Variants in PCM1 observed in about 807,000 individuals in gnomAD.
PCM1 encodes the protein pericentriolar material 1 protein.
In PCM1, 157 loss-of-function variants were observed where a neutral mutation model predicts 241.9. That is an observed-to-expected ratio of 0.65 (90% CI 0.57 to 0.74). The LOEUF is 0.74. PCM1 is among the 30% of genes least tolerant of loss of function. The pLI, the probability that PCM1 is intolerant of heterozygous loss-of-function variation, is 0.00. For missense variants in PCM1, 3,478 were observed against 2,360.1 expected (o/e 1.47, Z -9.81); for synonymous variants, 1,085 against 784.9 (o/e 1.38, Z -6.39).
intron 1 of PCM1, among the ~76,000 whole-genome samples, chr8:17,923,524 G>A (rs1276264794): frequency 5.3e-5 from 8 of 152,216 alleles, no homozygotes; most frequent in Non-Finnish European, 8.8e-5. Context: ...GCGGGCGGAG[G>A]AAGCGGAGCG....
At chr8:17,993,830 CAT>C (rs1208665572) in intron 29 of PCM1, among the ~76,000 whole-genome samples, 2 of 152,102 alleles carry the variant, frequency 1.3e-5, no homozygotes, top group African/African-American at 4.8e-5. Context: ...TTTACTATAT[CAT>C]AAACTTCTTT....
chr8:17,946,694 A>C (rs979333417), intron 6 of PCM1, among the ~76,000 whole-genome samples: 5 of 152,094 alleles, frequency 3.3e-5, no homozygotes, highest in Non-Finnish European at 1.5e-5. Context: ...ATGGGGTTTC[A>C]TATGTTGGTC....
intron 29 of PCM1, among the ~76,000 whole-genome samples, chr8:18,000,071 C>G (rs1429395379): frequency 1.3e-5 from 2 of 152,060 alleles, no homozygotes; most frequent in African/African-American, 4.8e-5. Flanking sequence ...ATGATGGTGT[C>G]TGTTTTATAT....
intron 12 of PCM1, 42 bp downstream of exon 12, chr8:17,957,463 C>T: frequency 6.2e-7 from 1 of 1,607,722 alleles, no homozygotes; most frequent in East Asian, 2.2e-5. Context: ...CTGTGTTATT[C>T]TTACAAAGTG....
At chr8:18,021,470 G>A (rs748745548) in intron 36 of PCM1, among the ~76,000 whole-genome samples, 1 of 152,160 alleles carries the variant, frequency 6.6e-6, no homozygotes, top group Non-Finnish European at 1.5e-5. Context: ...GTACCTGTTT[G>A]CAAGATAGAT....
intron 29 of PCM1, among the ~76,000 whole-genome samples, chr8:17,997,806 C>G (rs2087465465): frequency 6.6e-6 from 1 of 151,148 alleles, no homozygotes; most frequent in African/African-American, 2.4e-5. Flanking sequence ...CGGGTGATCA[C>G]TTGAGGTCAG....
chr8:17,939,741 C>T lies in PCM1; in HGVS notation c.663C>T (p.Ser221=). 6.4e-7 allele frequency: 1 copy of T among 1,559,722 alleles called. No individual in the cohort carries two copies. The highest frequency in any genetic ancestry group is 8.7e-7 in the Non-Finnish European group (1 of 1,148,932). The part of the protein sequence containing the change: ...QIRDYITKAS[S]MREDLVEKNE... ...GCGATTATATTACTAAAGCTAGTTC[C>T]ATGCGGGAAGATCTTGTAGAGAAAA... Residue 221 remains serine, a synonymous_variant, in exon 6 of 39, where the codon TCC becomes TCT. Transcript: ENST00000325083.
At chr8:17,973,877 C>T (rs2077722801) in intron 23 of PCM1, among the ~76,000 whole-genome samples, 3 of 152,118 alleles carry the variant, frequency 2.0e-5, no homozygotes, top group Admixed American at 2.0e-4. Flanking sequence ...AGAAAATACA[C>T]TTGTAAACTT....
Position 17,951,933 on chromosome 8 carries a change from T to TA in PCM1, c.1072-1030dup, listed in dbSNP as rs199528947. On this transcript the variant is annotated intron_variant, in intron 8 of 38. Coordinates refer to ENST00000325083, the MANE Select transcript of PCM1 (RefSeq NM_006197.4). The stretch of plus-strand genomic sequence containing the variant: ...CAAAGTTTCATAATTAAAAAAAATT[T>TA]AAAAAAAGGCCAGGTGCGGTGGCTT... Among the ~76,000 whole-genome samples, 814 of 151,924 alleles carry TA rather than the reference T, an allele frequency of 5.4e-3. 8 individuals carry two copies. The highest frequency in any genetic ancestry group is 0.018 in the African/African-American group (759 of 41,442).
Position 17,937,300 on chromosome 8 carries a change from A to C in PCM1, c.263A>C (p.Tyr88Ser). The change falls in exon 4 of 39, where the codon TAC becomes TCC. Residue 88 changes from tyrosine to serine, a missense_variant. Coordinates refer to ENST00000325083, the MANE Select transcript of PCM1 (RefSeq NM_006197.4). The part of the protein sequence containing the change: ...KTPHTFPHSR[Y>S]MSQMSVPEQA... ...CCACATACGTTCCCACACAGTAGAT[A>C]CATGAGTCAGATGTCTGTCCCAGAG... 1 of 1,609,768 alleles carries C rather than the reference A, an allele frequency of 6.2e-7. No individual in the cohort carries two copies. Among genetic ancestry groups the C allele is most frequent in the Non-Finnish European group, 8.5e-7 (1 of 1,177,000 alleles).
intron 28 of PCM1, among the ~76,000 whole-genome samples, chr8:17,991,924 G>A (rs535230042): frequency 6.6e-6 from 1 of 152,198 alleles, no homozygotes; most frequent in South Asian, 2.1e-4. Flanking sequence ...TCATAGCTTA[G>A]CTACCACTTA....
rs2076198749 is a variant in PCM1 at position 17,969,663 on chromosome 8, G to C, written c.3499G>C (p.Ala1167Pro). 6.2e-7 allele frequency: 1 copy of C among 1,612,734 alleles called. No homozygotes were observed. Among genetic ancestry groups the C allele is most frequent in the Non-Finnish European group, 8.5e-7 (1 of 1,179,012 alleles). The change falls in exon 22 of 39, where the codon GCC (alanine) becomes CCC (proline). Residue 1167 changes from alanine (A) to proline (P), a missense_variant. Coordinates refer to ENST00000325083, the MANE Select transcript of PCM1 (RefSeq NM_006197.4). ...STPSEQQQPL[A>P]QNSSGKTEYM... ...ACCCAGTGAACAGCAGCAACCCTTA[G>C]CCCAGAATTCTTCAGGAAAAACAGA...
rs1042531050 is a variant in PCM1 at position 18,027,859 on chromosome 8, T to A, written c.*197T>A. 1.5e-5 allele frequency: 6 copies of A among 400,154 alleles called. No homozygotes were observed. Among genetic ancestry groups the A allele is most frequent in the African/African-American group, 8.3e-5 (4 of 48,236 alleles). The allele number at this position is 400,154 out of a possible 1,614,324, so 24.8% of individuals were successfully genotyped here. On this transcript the variant is annotated 3_prime_UTR_variant, in exon 39 of 39. Coordinates refer to ENST00000325083, the MANE Select transcript of PCM1 (RefSeq NM_006197.4). Reference sequence around the variant, plus strand: ...TGGACAGATTTAAGCCTTGACACACTGTGTTTTTTTTTTTTTCCCCCTTCT... The same window carrying A: ...TGGACAGATTTAAGCCTTGACACACAGTGTTTTTTTTTTTTTCCCCCTTCT...
In PCM1 at chr8:17,980,674, C is replaced by G. The variant is rs1387086023; in HGVS notation, c.4027C>G (p.Gln1343Glu). Residue 1343 changes from glutamine to glutamate, a missense_variant, in exon 24 of 39, where the codon CAA (glutamine) becomes GAA (glutamate). Gln to Glu is a conservative substitution (Grantham distance 29, BLOSUM62 2). Transcript: ENST00000325083. Reference sequence around the variant, plus strand: ...TTCAGCCCAGACTGAAGAGCCTGTTCAAGCAAAAGTATTCAGCAGAAAGAA... The same window carrying G: ...TTCAGCCCAGACTGAAGAGCCTGTTGAAGCAAAAGTATTCAGCAGAAAGAA... ...RHSAQTEEPV[Q>E]AKVFSRKNHE... 3 of 1,613,110 alleles carry G rather than the reference C, an allele frequency of 1.9e-6. No individual in the cohort carries two copies. Among genetic ancestry groups the G allele is most frequent in the South Asian group, 2.2e-5 (2 of 91,026 alleles).
intron 6 of PCM1, 151 bp from the exon 7 acceptor site, chr8:17,947,035 C>A: frequency 2.0e-6 from 1 of 508,326 alleles, no homozygotes; most frequent in Non-Finnish European, 3.5e-6. Flanking sequence ...TCATTCTGTT[C>A]TTACTCTTTT....
At chr8:17,923,892 A>G (rs3913556) in intron 1 of PCM1, among the ~76,000 whole-genome samples, 107,323 of 151,962 alleles carry the variant, frequency 0.71, 38,537 homozygotes, top group Non-Finnish European at 0.77. Flanking sequence ...TGTTTGGTTT[A>G]CAGAAACTGG....
chr8:17,936,056 A>G (rs1207992385), intron 3 of PCM1, among the ~76,000 whole-genome samples: 3 of 152,104 alleles, frequency 2.0e-5, no homozygotes, highest in Non-Finnish European at 2.9e-5. Context: ...TGCCTAACAC[A>G]CCTTTCTCTT....
chr8:17,974,902 G>C (rs1289583928), intron 23 of PCM1, among the ~76,000 whole-genome samples: 1 of 147,194 alleles, frequency 6.8e-6, no homozygotes, highest in Non-Finnish European at 1.5e-5. Flanking sequence ...CAAATAAAAG[G>C]CTTGATAGCA....
chr8:18,016,806 CAGAA>C (rs1449969527), intron 36 of PCM1, among the ~76,000 whole-genome samples: 1 of 152,192 alleles, frequency 6.6e-6, no homozygotes, highest in Non-Finnish European at 1.5e-5. Flanking sequence ...GACGATGTGA[CAGAA>C]AGGAAGTTAG....
Sources: allele counts gnomAD v4.1 joint callset (sites outside exome capture counted in the v4.1 genomes callset), GRCh38; gene constraint gnomAD v4.1.1; transcripts MANE v1.5; gene names NCBI Gene and HGNC (gene_info 2026-07-23, HGNC 2026-07-21).